The following ASIC2 variants were observed in gnomAD, a reference collection of about 807,000 sequenced individuals.
ASIC2 encodes acid-sensing ion channel 2.
In ASIC2, 25 loss-of-function variants were observed where a neutral mutation model predicts 57.3. The ratio of observed to expected loss-of-function variants is 0.44; its 90% CI spans 0.32 to 0.61. The LOEUF (loss-of-function observed/expected upper bound fraction) is 0.61, where lower values mean the gene tolerates loss of function less well. Among genes scored for constraint, ASIC2 ranks in the 20% least tolerant of loss-of-function variants. The pLI is 0.06. For synonymous variants in ASIC2, 319 were observed against 307.5 expected (o/e 1.04, Z -0.39); for missense variants, 641 against 738.1 (o/e 0.87, Z 1.52).
intron 1 of ASIC2, among the ~76,000 whole-genome samples, chr17:33,708,656 G>A (rs1908933558): frequency 6.6e-6 from 1 of 152,092 alleles, no homozygotes; most frequent in South Asian, 2.1e-4. Context: ...TCTGCTCCAT[G>A]TCCAGTAGGG....
intron 1 of ASIC2, among the ~76,000 whole-genome samples, chr17:33,808,031 T>G (rs896108994): frequency 6.6e-6 from 1 of 152,260 alleles, no homozygotes; most frequent in Non-Finnish European, 1.5e-5. Flanking sequence ...CAGAAATTTT[T>G]AATTCAAATG....
intron 1 of ASIC2, among the ~76,000 whole-genome samples, chr17:33,870,330 A>C (rs1253208060): frequency 6.7e-6 from 1 of 148,376 alleles, no homozygotes; most frequent in South Asian, 2.2e-4. Context: ...ACGAACACAG[A>C]AAGACCAGCA....
At chr17:33,682,288 A>G (rs1908034490) in intron 1 of ASIC2, among the ~76,000 whole-genome samples, 1 of 151,214 alleles carries the variant, frequency 6.6e-6, no homozygotes, top group African/African-American at 2.4e-5. Flanking sequence ...GATGGTCTCA[A>G]TCTCCTGACC....
At chr17:33,053,655 TATCATC>T (rs1163272368) in intron 3 of ASIC2, among the ~76,000 whole-genome samples, 1 of 152,202 alleles carries the variant, frequency 6.6e-6, no homozygotes, top group Non-Finnish European at 1.5e-5. Context: ...GACTCAATTA[TATCATC>T]ATCCTCTCTG....
intron 3 of ASIC2, among the ~76,000 whole-genome samples, chr17:33,057,549 T>C (rs1418293411): frequency 1.3e-5 from 2 of 152,234 alleles, no homozygotes; most frequent in Non-Finnish European, 2.9e-5. Context: ...GCTGGCTTTG[T>C]TGTGACGACT....
At chr17:33,066,835 C>T (rs1276753484) in intron 3 of ASIC2, among the ~76,000 whole-genome samples, 1 of 152,124 alleles carries the variant, frequency 6.6e-6, no homozygotes, top group African/African-American at 2.4e-5. Flanking sequence ...CTGTTGGACT[C>T]TGGGGATATA....
intron 1 of ASIC2, among the ~76,000 whole-genome samples, chr17:34,134,597 G>A (rs900193782): frequency 1.1e-4 from 16 of 152,184 alleles, no homozygotes; most frequent in Middle Eastern, 6.3e-3. Context: ...ACCTAGAAGG[G>A]AGACTTTGCC....
intron 1 of ASIC2, among the ~76,000 whole-genome samples, chr17:34,108,222 T>C (rs969536811): frequency 4.6e-5 from 7 of 152,172 alleles, no homozygotes; most frequent in African/African-American, 1.7e-4. Flanking sequence ...CTGCTGAAAC[T>C]TTCTGGAAGT....
intron 1 of ASIC2, among the ~76,000 whole-genome samples, chr17:33,372,065 T>A (rs1909088503): frequency 6.6e-6 from 1 of 151,598 alleles, no homozygotes; most frequent in East Asian, 1.9e-4. Context: ...TAAGAAGAAC[T>A]CCCCCAGACC....
intron 1 of ASIC2, among the ~76,000 whole-genome samples, chr17:34,083,876 T>C (rs1157762263): frequency 2.0e-5 from 3 of 152,218 alleles, no homozygotes; most frequent in Non-Finnish European, 4.4e-5. Flanking sequence ...GTTGTTTGTT[T>C]TTTTCTTGTA....
At chr17:33,320,914 A>G (rs1906843928) in intron 1 of ASIC2, among the ~76,000 whole-genome samples, 1 of 152,194 alleles carries the variant, frequency 6.6e-6, no homozygotes, top group South Asian at 2.1e-4. Flanking sequence ...TCCTGTAGGC[A>G]GTACCATTCG....
intron 1 of ASIC2, among the ~76,000 whole-genome samples, chr17:33,184,514 C>T (rs931148518): frequency 6.6e-6 from 1 of 152,172 alleles, no homozygotes; most frequent in African/African-American, 2.4e-5. Context: ...TCTGGGTCCT[C>T]TGTGTCCTTC....
At chr17:33,507,105 G>A (rs553372693) in intron 1 of ASIC2, among the ~76,000 whole-genome samples, 13 of 152,276 alleles carry the variant, frequency 8.5e-5, no homozygotes, top group African/African-American at 2.4e-4. Flanking sequence ...GCCACAGGCC[G>A]GAGTCTCACT....
chr17:33,120,455 T>G (rs1020130369), intron 1 of ASIC2, among the ~76,000 whole-genome samples: 4 of 152,218 alleles, frequency 2.6e-5, no homozygotes, highest in Admixed American at 6.5e-5. Context: ...TCTCCTTCAA[T>G]TGTGTGGACA....
At chr17:33,856,835 G>C (rs1263321813) in intron 1 of ASIC2, among the ~76,000 whole-genome samples, 1 of 152,138 alleles carries the variant, frequency 6.6e-6, no homozygotes, top group Non-Finnish European at 1.5e-5. Context: ...TTACAGATGG[G>C]GGTGTATGGG....
At chr17:33,885,333 A>T (rs1012800233) in intron 1 of ASIC2, among the ~76,000 whole-genome samples, 2 of 152,188 alleles carry the variant, frequency 1.3e-5, no homozygotes, top group African/African-American at 4.8e-5. Context: ...GAGGGGACTA[A>T]ATGTGTGATA....
intron 1 of ASIC2, among the ~76,000 whole-genome samples, chr17:33,398,656 C>T (rs1258184196): frequency 6.6e-6 from 1 of 151,952 alleles, no homozygotes; most frequent in East Asian, 1.9e-4. Context: ...GAATGAACTC[C>T]CTCACCCTTG....
At chr17:33,216,262 G>A (rs773931988) in intron 1 of ASIC2, among the ~76,000 whole-genome samples, 3 of 152,162 alleles carry the variant, frequency 2.0e-5, no homozygotes, top group Admixed American at 2.0e-4. Flanking sequence ...ATGTCATGAT[G>A]TCTAAGCAAA....
intron 1 of ASIC2, among the ~76,000 whole-genome samples, chr17:33,407,483 C>A (rs1054817720): frequency 2.6e-5 from 4 of 152,182 alleles, no homozygotes; most frequent in Non-Finnish European, 1.5e-5. Flanking sequence ...TTCTTCCCAT[C>A]CCCAGAACCA....
Sources: allele counts gnomAD v4.1 joint callset (sites outside exome capture counted in the v4.1 genomes callset), GRCh38; gene constraint gnomAD v4.1.1; transcripts MANE v1.5; gene names NCBI Gene and HGNC (gene_info 2026-07-23, HGNC 2026-07-21).